Variants in CAAP1 observed in about 807,000 individuals in gnomAD.
CAAP1 encodes caspase activity and apoptosis inhibitor 1.
CAAP1 carries 20 observed loss-of-function variants against 34.0 expected under a neutral mutation model. The observed-to-expected ratio is 0.59, with a 90% CI of 0.41 to 0.86. The LOEUF (loss-of-function observed/expected upper bound fraction) is 0.86. CAAP1 is among the 40% of genes least tolerant of loss of function. The pLI, the probability that CAAP1 is intolerant of heterozygous loss-of-function variation, is 0.00. For synonymous variants in CAAP1, 213 were observed against 166.7 expected (o/e 1.28, Z -2.14); for missense variants, 538 against 450.5 (o/e 1.19, Z -1.76).
intron 4 of CAAP1, among the ~76,000 whole-genome samples, chr9:26,880,745 G>A (rs1563891788): frequency 6.6e-6 from 1 of 152,208 alleles, no homozygotes; most frequent in East Asian, 1.9e-4. Context: ...GTGGGATTTT[G>A]GCTCACTGCA....
At chr9:26,867,336 G>A (rs1054328331) in intron 4 of CAAP1, among the ~76,000 whole-genome samples, 7 of 152,118 alleles carry the variant, frequency 4.6e-5, no homozygotes, top group Non-Finnish European at 7.3e-5. Context: ...CTCAAAGACC[G>A]TCAAATCTCC....
Position 26,892,736 on chromosome 9 carries a change from C to T in CAAP1, c.-21G>A, listed in dbSNP as rs1823945197. ...GTCATGATCCCTCTGCTGCAACCAT[C>T]GGAGGAAAGTCCGCTGTCTCTGGTG... On this transcript the variant is annotated 5_prime_UTR_variant, in exon 1 of 6. Transcript: ENST00000333916. 1.3e-6 allele frequency: 2 copies of T among 1,561,196 alleles called. No individual in the cohort carries two copies. Among genetic ancestry groups the T allele is most frequent in the East Asian group, 2.3e-5 (1 of 44,330 alleles).
At chr9:26,856,369 C>T (rs907030693) in intron 5 of CAAP1, among the ~76,000 whole-genome samples, 5 of 151,980 alleles carry the variant, frequency 3.3e-5, no homozygotes, top group African/African-American at 1.2e-4. Context: ...AAGACTAAAT[C>T]AAACATATTT....
At position 26,887,503 on chromosome 9, in the gene CAAP1, T is replaced by C; in HGVS notation, c.314A>G (p.Tyr105Cys). 6.3e-7 allele frequency: 1 copy of C among 1,592,638 alleles called. No individual in the cohort carries two copies. Among genetic ancestry groups the C allele is most frequent in the Non-Finnish European group, 8.5e-7 (1 of 1,171,164 alleles). The change falls in exon 2 of 6, where the codon TAT becomes TGT. Residue 105 changes from tyrosine (Y) to cysteine (C), a missense_variant. Physicochemically the swap from Tyr to Cys is radical, Grantham distance 194. Coordinates refer to ENST00000333916, the MANE Select transcript of CAAP1 (RefSeq NM_024828.4). ...VSGSLQQETK[Y>C]ILPTLEKELF... ...TTCTTTTTCCAAAGTTGGCAAAATA[T>C]ATTTAGTTTCCTAAAGTTAAAAGAA...
intron 4 of CAAP1, among the ~76,000 whole-genome samples, chr9:26,867,619 T>C (rs1411946620): frequency 2.6e-5 from 4 of 152,334 alleles, no homozygotes; most frequent in East Asian, 1.9e-4. Flanking sequence ...GCATTATCTG[T>C]GATTCTGTCA....
chr9:26,875,565 T>A (rs1007793017), intron 4 of CAAP1, among the ~76,000 whole-genome samples: 4 of 152,242 alleles, frequency 2.6e-5, no homozygotes, highest in African/African-American at 7.2e-5. Context: ...AAGCTGTATG[T>A]CTCAGTTGAT....
intron 5 of CAAP1, among the ~76,000 whole-genome samples, chr9:26,844,571 T>C (rs1009887024): frequency 3.3e-5 from 5 of 152,210 alleles, no homozygotes; most frequent in African/African-American, 1.2e-4. Context: ...AAGAGCTGAA[T>C]AATATAATGA....
At position 26,892,518 on chromosome 9, in the gene CAAP1, G is replaced by T. The variant is rs776158669; in HGVS notation, c.198C>A (p.Gly66=). The T allele has an allele frequency of 2.5e-6, 4 of 1,571,276 alleles. No individual in the cohort carries two copies. The highest frequency in any genetic ancestry group is 3.8e-5 in the Admixed American group (2 of 53,310). Residue 66 remains glycine, a synonymous_variant, in exon 1 of 6, where the codon GGC becomes GGA. Coordinates refer to ENST00000333916, the MANE Select transcript of CAAP1 (RefSeq NM_024828.4). ...CCCAACAGCTGCCGCCGCTCCCACC[G>T]CCGGTGACACTTCCACTAAAATTGG... is the stretch of plus-strand genomic sequence containing the variant. ...GNANFSGSVT[G]GGSGGSCWGG...
chr9:26,866,912 C>T (rs529725728), intron 4 of CAAP1, among the ~76,000 whole-genome samples: 2 of 152,244 alleles, frequency 1.3e-5, no homozygotes, highest in East Asian at 3.9e-4. Context: ...GGGTCCCCAA[C>T]GCCTGGGCCA....
chr9:26,861,506 T>A lies in CAAP1; in HGVS notation c.666-367A>T, dbSNP rs141426577. Among the ~76,000 whole-genome samples the A allele has an allele frequency of 9.4e-3, 1,428 of 152,318 alleles. 9 individuals are homozygous for A. Among genetic ancestry groups the A allele is most frequent in the Non-Finnish European group, 0.015 (990 of 68,016 alleles). ...CAACTGTTAAATTTAATGAGCATTT[T>A]GGCACTCAAATTACTTTATATTCAT... On this transcript the variant is annotated intron_variant, in intron 4 of 5. Coordinates refer to ENST00000333916, the MANE Select transcript of CAAP1 (RefSeq NM_024828.4).
At position 26,848,541 on chromosome 9, in the gene CAAP1, T is replaced by C. The variant is rs188798197; in HGVS notation, c.740-5894A>G. Among the ~76,000 whole-genome samples the C allele has an allele frequency of 2.4e-4, 37 of 152,284 alleles. No homozygotes were observed. In the East Asian group the frequency reaches 5.2e-3, roughly 21 times the overall value. ...AAAAAAAGAAAAAATAGTTCTTATA[T>C]GTTTGTTTACTTTCATTGGATATTC... On this transcript the variant is annotated intron_variant, in intron 5 of 5. Transcript: ENST00000333916.
intron 4 of CAAP1, among the ~76,000 whole-genome samples, chr9:26,862,600 T>C (rs1470409463): frequency 6.6e-6 from 1 of 152,010 alleles, no homozygotes. Flanking sequence ...TTAAGGAAAG[T>C]TGAATGTCAT....
intron 5 of CAAP1, among the ~76,000 whole-genome samples, chr9:26,860,564 G>A (rs1229366974): frequency 1.3e-5 from 2 of 152,082 alleles, no homozygotes; most frequent in Admixed American, 6.6e-5. Flanking sequence ...TGGCCGAGGC[G>A]GGTGGATCAC....
At chr9:26,844,410 T>G (rs1351724793) in intron 5 of CAAP1, among the ~76,000 whole-genome samples, 4 of 152,178 alleles carry the variant, frequency 2.6e-5, no homozygotes, top group Non-Finnish European at 4.4e-5. Context: ...AAAATTAACT[T>G]TAGTGTCTCC....
Position 26,892,484 on chromosome 9 carries a change from T to TGCTCCCGCCCCAACAGCTGCCGCC in CAAP1, c.208_231dup (p.Gly70_Ser77dup). 6.4e-7 allele frequency: 1 copy of TGCTCCCGCCCCAACAGCTGCCGCC among 1,559,606 alleles called. No homozygotes were observed. Among genetic ancestry groups the TGCTCCCGCCCCAACAGCTGCCGCC allele is most frequent in the Non-Finnish European group, 8.7e-7 (1 of 1,152,696 alleles). The stretch of plus-strand genomic sequence containing the variant: ...TTCCGGCGCTCGCTGCGCTCCACGC[T>TGCTCCCGCCCCAACAGCTGCCGCC]GCTCCCGCCCCAACAGCTGCCGCCG... On this transcript the variant is annotated inframe_insertion, in exon 1 of 6. Transcript: ENST00000333916.
At chr9:26,877,938 CCTTT>C (rs1432650587) in intron 4 of CAAP1, among the ~76,000 whole-genome samples, 3 of 151,688 alleles carry the variant, frequency 2.0e-5, no homozygotes, top group Non-Finnish European at 2.9e-5. Context: ...TTTTACCTCT[CCTTT>C]CTATGTTTCA....
rs769454593 is a variant in CAAP1 at position 26,892,306 on chromosome 9, T to A, written c.303+107A>T. On this transcript the variant is annotated intron_variant, in intron 1 of 5. Coordinates refer to ENST00000333916, the MANE Select transcript of CAAP1 (RefSeq NM_024828.4). ...ACCTCAAGGACGGACGACCTTGAGA[T>A]TGCCGCGCTAGCAGTGAGCTCCAGC... The A allele has an allele frequency of 3.6e-5, 55 of 1,541,960 alleles. No homozygotes were observed. In the African/African-American group the frequency reaches 6.1e-4, roughly 17 times the overall value.
At chr9:26,889,464 A>C (rs1454743944) in intron 1 of CAAP1, among the ~76,000 whole-genome samples, 2 of 152,136 alleles carry the variant, frequency 1.3e-5, no homozygotes, top group Non-Finnish European at 2.9e-5. Context: ...TGACGGTTGT[A>C]CAACTCTGAA....
Position 26,887,555 on chromosome 9 carries a change from A to C in CAAP1, c.304-42T>G, listed in dbSNP as rs915992664. The C allele has an allele frequency of 8.3e-6, 10 of 1,204,218 alleles. No individual in the cohort carries two copies. In the African/African-American group the frequency reaches 1.5e-4, roughly 19 times the overall value. 74.6% of individuals were successfully genotyped at this position (1,204,218 alleles called of 1,614,324 possible). On this transcript the variant is annotated intron_variant, in intron 1 of 5. Coordinates refer to ENST00000333916, the MANE Select transcript of CAAP1 (RefSeq NM_024828.4). ...AAAGAACCATTAAACAATACTACTT[A>C]AAATATAAAGAATACGTACATGACA...
Sources: gnomAD v4.1 joint callset for allele counts (sites outside exome capture counted in the v4.1 genomes callset) on GRCh38, gnomAD v4.1.1 for gene constraint, MANE v1.5 for transcripts, NCBI Gene and HGNC (gene_info 2026-07-23, HGNC 2026-07-21) for gene names.